NSUN6: variants seen among roughly 807,000 people sequenced by gnomAD.
The protein encoded by NSUN6 is tRNA (cytosine(72)-C(5))-methyltransferase NSUN6.
Under a neutral mutation model 58.0 loss-of-function variants are expected in NSUN6, and 64 were observed. The observed-to-expected ratio is 1.10, with a 90% CI of 0.90 to 1.36. The LOEUF is 1.36. Ranked by LOEUF, NSUN6 falls within the 40% of genes most tolerant of loss-of-function variation. The pLI, the probability that NSUN6 is intolerant of heterozygous loss-of-function variation, is 0.00. For missense variants in NSUN6, 701 were observed against 550.1 expected, an observed-to-expected ratio of 1.27 and a Z score of -2.74; for synonymous variants, 231 against 193.9, an observed-to-expected ratio of 1.19 and a Z score of -1.59.
At chr10:18,575,726 C>A (rs1383500572) in intron 8 of NSUN6, among the ~76,000 whole-genome samples, 1 of 152,142 alleles carries the variant, frequency 6.6e-6, no homozygotes, top group Non-Finnish European at 1.5e-5. Context: ...TGAAATGCAC[C>A]ACGGAAAGAT....
chr10:18,574,141 C>A (rs949518636), intron 8 of NSUN6, among the ~76,000 whole-genome samples: 1 of 152,070 alleles, frequency 6.6e-6, no homozygotes, highest in Non-Finnish European at 1.5e-5. Context: ...AGACTGTGGC[C>A]TTCCTATCAA....
chr10:18,641,325 A>T (rs939214175), intron 3 of NSUN6, among the ~76,000 whole-genome samples: 2 of 152,022 alleles, frequency 1.3e-5, no homozygotes, highest in African/African-American at 4.8e-5. Context: ...CTCCATAGGA[A>T]TAAAACTCCA....
intron 8 of NSUN6, among the ~76,000 whole-genome samples, chr10:18,580,643 G>C (rs2056864208): frequency 6.6e-6 from 1 of 152,120 alleles, no homozygotes; most frequent in African/African-American, 2.4e-5. Flanking sequence ...GGAGAGGCAA[G>C]CCAAAAGACC....
chr10:18,653,014 A>C (rs2059735745), upstream of NSUN6: 1 of 985,168 alleles, frequency 1.0e-6, no homozygotes, highest in African/African-American at 1.7e-5. Flanking sequence ...TAAATCCATG[A>C]GATTCTTTCA....
At chr10:18,563,303 G>A (rs2055679074) in intron 8 of NSUN6, among the ~76,000 whole-genome samples, 1 of 151,144 alleles carries the variant, frequency 6.6e-6, no homozygotes, top group Non-Finnish European at 1.5e-5. Flanking sequence ...CGAGAATGCA[G>A]AATGGAATGG....
At chr10:18,618,769 T>C (rs1034105340) in intron 3 of NSUN6, among the ~76,000 whole-genome samples, 1 of 151,894 alleles carries the variant, frequency 6.6e-6, no homozygotes, top group African/African-American at 2.4e-5. Flanking sequence ...TGCTGCATTC[T>C]AGATAATTTC....
At chr10:18,590,448 T>C (rs1564768861) in intron 7 of NSUN6, among the ~76,000 whole-genome samples, 2 of 152,198 alleles carry the variant, frequency 1.3e-5, no homozygotes, top group African/African-American at 4.8e-5. Flanking sequence ...ATCAACAGAA[T>C]ATACATTATT....
chr10:18,622,471 T>C (rs919215846), intron 3 of NSUN6, among the ~76,000 whole-genome samples: 5 of 152,142 alleles, frequency 3.3e-5, no homozygotes, highest in Non-Finnish European at 7.4e-5. Context: ...TCCAGCACTT[T>C]AGGAGTACGA....
intron 3 of NSUN6, among the ~76,000 whole-genome samples, chr10:18,638,301 G>A (rs943105573): frequency 2.0e-5 from 3 of 152,052 alleles, no homozygotes; most frequent in Non-Finnish European, 4.4e-5. Context: ...AATTAGCTGG[G>A]CATGGTGGCA....
Position 18,546,010 on chromosome 10 carries a change from C to A in NSUN6, c.1333G>T (p.Glu445Ter). 1.3e-6 allele frequency: 2 copies of A among 1,582,064 alleles called. No homozygotes were observed. The highest frequency in any genetic ancestry group is 1.7e-6 in the Non-Finnish European group (2 of 1,170,922). The change falls in exon 11 of 11, where the codon GAA (glutamate) becomes TAA (stop). Residue 445 changes from glutamate (E) to a stop codon, truncating the protein, a stop_gained. Coordinates refer to ENST00000377304, the MANE Select transcript of NSUN6 (RefSeq NM_182543.5). LOFTEE classifies it high-confidence loss of function. ...DMDSLREARREDMLRLANKDS... is the reference protein window; with the variant it reads ...DMDSLREARR ...TTATTAGCCAGACGCAACATGTCTT[C>A]TCTTCTGGCCTCTCTAAGAGAGTCC...
At chr10:18,657,161 G>A (rs761064752), upstream of NSUN6, among the ~76,000 whole-genome samples, 1 of 151,998 alleles carries the variant, frequency 6.6e-6, no homozygotes, top group African/African-American at 2.4e-5. Context: ...CTAACAGATC[G>A]ATAGGTACAT....
At chr10:18,593,300 G>T (rs1273070405) in intron 7 of NSUN6, among the ~76,000 whole-genome samples, 2 of 152,164 alleles carry the variant, frequency 1.3e-5, no homozygotes, top group Admixed American at 1.3e-4. Context: ...ACAGTGTGGC[G>T]ATTCCTCAAG....
chr10:18,578,923 TG>T lies in NSUN6; in HGVS notation c.922+7025del, dbSNP rs568982163. On this transcript the variant is annotated intron_variant, in intron 8 of 10. Coordinates refer to ENST00000377304, the MANE Select transcript of NSUN6 (RefSeq NM_182543.5). ...TAAATGGTGAACCTGTCAACGGTAA[TG>T]GTAATGTGTCATCTCTGCATTCACC... Among the ~76,000 whole-genome samples the T allele has an allele frequency of 2.7e-3, 414 of 152,288 alleles. 1 individual carries two copies. Among genetic ancestry groups the T allele is most frequent in the African/African-American group, 9.7e-3 (402 of 41,564 alleles).
intron 8 of NSUN6, among the ~76,000 whole-genome samples, chr10:18,577,197 T>G (rs1218876739): frequency 6.6e-6 from 1 of 152,146 alleles, no homozygotes; most frequent in Non-Finnish European, 1.5e-5. Flanking sequence ...AGACATGATA[T>G]TAGCAGAAAG....
At chr10:18,593,263 T>A (rs1034583847) in intron 7 of NSUN6, among the ~76,000 whole-genome samples, 2 of 151,932 alleles carry the variant, frequency 1.3e-5, no homozygotes, top group African/African-American at 4.8e-5. Context: ...TTGGTGGGAG[T>A]GTAAATTAGT....
intron 8 of NSUN6, among the ~76,000 whole-genome samples, chr10:18,553,289 G>A (rs961941029): frequency 6.0e-5 from 9 of 149,352 alleles, no homozygotes; most frequent in African/African-American, 9.9e-5. Flanking sequence ...TCTCTATTCC[G>A]TTCCGTTCTC....
intron 3 of NSUN6, among the ~76,000 whole-genome samples, chr10:18,619,161 T>G (rs1165050634): frequency 6.6e-6 from 1 of 152,212 alleles, no homozygotes; most frequent in Non-Finnish European, 1.5e-5. Flanking sequence ...TGCCAAGTGT[T>G]TGGCTTGGAC....
At chr10:18,656,148 T>C (rs1018433634), upstream of NSUN6, among the ~76,000 whole-genome samples, 19 of 152,242 alleles carry the variant, frequency 1.2e-4, no homozygotes, top group African/African-American at 4.3e-4. Context: ...GGCGATCATA[T>C]TGATTTCAGA....
chr10:18,626,049 TAAG>T (rs753117871), intron 3 of NSUN6, among the ~76,000 whole-genome samples: 8 of 152,114 alleles, frequency 5.3e-5, no homozygotes, highest in Non-Finnish European at 1.0e-4. Flanking sequence ...ACGCAGTACG[TAAG>T]AGTCACACTT....
Sources: gnomAD v4.1 joint callset for allele counts (sites outside exome capture counted in the v4.1 genomes callset) on GRCh38, gnomAD v4.1.1 for gene constraint, MANE v1.5 for transcripts, NCBI Gene and HGNC (gene_info 2026-07-23, HGNC 2026-07-21) for gene names.